RAB11FIP3: variants seen among roughly 807,000 people sequenced by gnomAD.
The protein encoded by RAB11FIP3 is RAB11 family interacting protein 3, also known as rab11 family-interacting protein 3.
Under a neutral mutation model 77.8 loss-of-function variants are expected in RAB11FIP3, and 17 were observed. That is an observed-to-expected ratio of 0.22 (90% CI 0.15 to 0.33). The LOEUF (loss-of-function observed/expected upper bound fraction) is 0.33, where lower values mean the gene tolerates loss of function less well. RAB11FIP3 is among the 10% of genes least tolerant of loss of function. The pLI is 1.00. For missense variants in RAB11FIP3, 1,005 were observed against 1,011.2 expected (o/e 0.99, Z 0.08); for synonymous variants, 437 against 448.2 (o/e 0.98, Z 0.31).
In RAB11FIP3 at chr16:522,007, A is replaced by C. The variant is rs889112910; in HGVS notation, c.*1168A>C. 1.1e-5 allele frequency: 1 copy of C among 90,408 alleles called. No individual in the cohort carries two copies. The highest frequency in any genetic ancestry group is 2.1e-5 in the Non-Finnish European group (1 of 48,140). The allele number at this position is 90,408 out of a possible 1,614,324, so 5.6% of individuals were successfully genotyped here. ...CGGGTGGGCCCAGACCCCATCACCAAGACTGGCCACCCGCTGCGTGTGTGT... is the reference window on the plus strand; with the variant it reads ...CGGGTGGGCCCAGACCCCATCACCACGACTGGCCACCCGCTGCGTGTGTGT... On this transcript the variant is annotated 3_prime_UTR_variant, in exon 14 of 14. Coordinates refer to ENST00000262305, the MANE Select transcript of RAB11FIP3 (RefSeq NM_014700.4).
intron 5 of RAB11FIP3, among the ~76,000 whole-genome samples, chr16:493,934 C>T (rs1167761454): frequency 6.4e-5 from 9 of 141,546 alleles, no homozygotes; most frequent in Non-Finnish European, 7.6e-5. Flanking sequence ...GACAGAGTCT[C>T]GATCTGTCAC....
intron 3 of RAB11FIP3, among the ~76,000 whole-genome samples, chr16:478,068 C>T (rs543776120): frequency 3.9e-5 from 6 of 152,320 alleles, no homozygotes; most frequent in African/African-American, 9.6e-5. Context: ...TGCGGCCTCC[C>T]GCAAGTGCGC....
At position 426,654 on chromosome 16, in the gene RAB11FIP3, G is replaced by A; in HGVS notation, c.648G>A (p.Gly216=). The stretch of plus-strand genomic sequence containing the variant: ...GAGCCGTGTTCGATGCCCTGGACGG[G>A]GATGGGGACGGTTTCGTCCGCATCG... ...RLRAVFDALD[G]DGDGFVRIED... is the part of the protein sequence containing the mutation. Residue 216 remains glycine (G), a synonymous_variant, in exon 1 of 14, where the codon GGG becomes GGA. Coordinates refer to ENST00000262305, the MANE Select transcript of RAB11FIP3 (RefSeq NM_014700.4). This position sits in a 1 kb window ranked among gnomAD's most constrained non-coding sequence, Gnocchi z 5.0. The A allele has an allele frequency of 6.4e-7, 1 of 1,573,614 alleles. No individual in the cohort carries two copies. Among genetic ancestry groups the A allele is most frequent in the Non-Finnish European group, 8.6e-7 (1 of 1,161,238 alleles).
chr16:426,451 A>T lies in RAB11FIP3; in HGVS notation c.445A>T (p.Ser149Cys), dbSNP rs775453202. 3.2e-6 allele frequency: 5 copies of T among 1,584,684 alleles called. No individual in the cohort carries two copies. In the South Asian group the frequency reaches 5.7e-5, roughly 18 times the overall value. ...ESAPFRLQGS[S>C]SSHRARGEVD... ...CGCGCCTTTCCGCTTGCAGGGGTCC[A>T]GCAGCAGCCACCGAGCGCGGGGCGA... The change falls in exon 1 of 14, where the codon AGC becomes TGC. Residue 149 changes from serine to cysteine, a missense_variant. Ser to Cys is a moderately radical substitution (Grantham distance 112). Around this residue, in one of 4 missense-constraint regions of RAB11FIP3, gnomAD observed 466 missense variants for 408.3 expected, o/e 1.14. Transcript: ENST00000262305. The surrounding 1 kb of genome is among the most constrained non-coding windows in gnomAD (Gnocchi z 5.0).
chr16:492,362 T>TCCAGAGCCCC (rs2030354690), intron 5 of RAB11FIP3, among the ~76,000 whole-genome samples: 1 of 63,628 alleles, frequency 1.6e-5, no homozygotes, highest in African/African-American at 7.9e-5. Flanking sequence ...GAAGAGGGTC[T>TCCAGAGCCCC]TCCCGGGAGA....
Position 512,607 on chromosome 16 carries a change from G to A in RAB11FIP3, c.1640+1807G>A, listed in dbSNP as rs954082236. Among the ~76,000 whole-genome samples the A allele has an allele frequency of 4.0e-5, 6 of 148,374 alleles. No homozygotes were observed. In the East Asian group the frequency reaches 5.9e-4, roughly 15 times the overall value. On this transcript the variant is annotated intron_variant, in intron 9 of 13. Transcript: ENST00000262305. The stretch of plus-strand genomic sequence containing the variant: ...CGCCCAGGCTAGAGTGCAGTGGGGC[G>A]ATCTTGGCTCACCACAACCTCTGTC...
intron 9 of RAB11FIP3, among the ~76,000 whole-genome samples, chr16:515,393 C>T (rs1394577129): frequency 6.6e-6 from 1 of 152,176 alleles, no homozygotes; most frequent in Non-Finnish European, 1.5e-5. Context: ...AGGTGCAGCC[C>T]AGAAAGCACA....
intron 5 of RAB11FIP3, chr16:491,164 C>T (rs1358556851): frequency 7.7e-7 from 1 of 1,303,930 alleles, no homozygotes; most frequent in Non-Finnish European, 1.0e-6. Flanking sequence ...AGCTGCACAG[C>T]ATCCTCACTG....
At position 505,593 on chromosome 16, in the gene RAB11FIP3, C is replaced by T. The variant is rs2031829401; in HGVS notation, c.1465C>T (p.Arg489Cys). Residue 489 changes from arginine (R) to cysteine (C), a missense_variant, in exon 8 of 14, where the codon CGC becomes TGC. Coordinates refer to ENST00000262305, the MANE Select transcript of RAB11FIP3 (RefSeq NM_014700.4). This position sits in a 1 kb window ranked among gnomAD's most constrained non-coding sequence, Gnocchi z 4.0. ...DTAATGEQHSRLRQENLQLVH... is the reference protein window; with the variant it reads ...DTAATGEQHSCLRQENLQLVH... ...GGCAGCCACCGGTGAGCAACACAGC[C>T]GCCTGAGGCAGGAGAACCTGCAGCT... The T allele has an allele frequency of 5.0e-6, 8 of 1,604,510 alleles. No individual in the cohort carries two copies. The highest frequency in any genetic ancestry group is 1.3e-5 in the African/African-American group (1 of 74,926).
chr16:480,560 C>T (rs937287944), intron 3 of RAB11FIP3, among the ~76,000 whole-genome samples: 4 of 151,948 alleles, frequency 2.6e-5, no homozygotes, highest in South Asian at 4.2e-4. Context: ...AGTGCAGTGG[C>T]GTGATCTCAA....
At chr16:484,059 T>G (rs1450877042) in intron 4 of RAB11FIP3, among the ~76,000 whole-genome samples, 1 of 152,146 alleles carries the variant, frequency 6.6e-6, no homozygotes, top group African/African-American at 2.4e-5. Context: ...CACTCTTATC[T>G]GGCTCAGAAT....
rs147984086 is a variant in RAB11FIP3, at chr16:449,292, G to A, written c.715-12112G>A. Among the ~76,000 whole-genome samples the A allele has an allele frequency of 4.7e-3, 708 of 152,220 alleles. 2 individuals carry two copies. The highest frequency in any genetic ancestry group is 0.016 in the African/African-American group (668 of 41,528). On this transcript the variant is annotated intron_variant, in intron 1 of 13. Transcript: ENST00000262305. ...CTGTCACCAGGCGGGACAGAGTGTC[G>A]GGCTCATTCAGGTGCTCAGCAGAAT...
At chr16:499,883 C>A (rs1329161323) in intron 6 of RAB11FIP3, among the ~76,000 whole-genome samples, 3 of 151,580 alleles carry the variant, frequency 2.0e-5, no homozygotes, top group Non-Finnish European at 4.4e-5. Flanking sequence ...GTGTGTCTAT[C>A]CACATGTAAA....
chr16:510,139 T>A (rs1452642070), intron 8 of RAB11FIP3, among the ~76,000 whole-genome samples: 1 of 139,330 alleles, frequency 7.2e-6, no homozygotes, highest in Non-Finnish European at 1.5e-5. Flanking sequence ...GCGCACTCGT[T>A]GTGTGTAGTG....
At chr16:473,920 C>T (rs1048603027) in intron 3 of RAB11FIP3, among the ~76,000 whole-genome samples, 11 of 152,116 alleles carry the variant, frequency 7.2e-5, no homozygotes, top group African/African-American at 2.7e-4. Flanking sequence ...TCTTCCAGAA[C>T]GCCACGGAGC....
intron 2 of RAB11FIP3, among the ~76,000 whole-genome samples, chr16:462,504 G>C (rs888737400): frequency 9.9e-5 from 15 of 152,122 alleles, no homozygotes; most frequent in African/African-American, 3.6e-4. Context: ...CAAGGCTGAG[G>C]TGCTGGGATT....
chr16:445,188 T>G (rs1253405091), intron 1 of RAB11FIP3, among the ~76,000 whole-genome samples: 2 of 147,762 alleles, frequency 1.4e-5, no homozygotes, highest in African/African-American at 5.0e-5. Flanking sequence ...ATCCAAGCAC[T>G]TTAGGAGGCC....
chr16:428,778 C>T (rs1418991951), intron 1 of RAB11FIP3, among the ~76,000 whole-genome samples: 1 of 152,132 alleles, frequency 6.6e-6, no homozygotes, highest in African/African-American at 2.4e-5. Flanking sequence ...TGAGAAACAT[C>T]TTTTGTCATA....
At chr16:465,696 GTCTCCCAGGTTCAAGCGAT>G (rs1020541372) in intron 2 of RAB11FIP3, among the ~76,000 whole-genome samples, 1 of 150,516 alleles carries the variant, frequency 6.6e-6, no homozygotes, top group African/African-American at 2.5e-5. Context: ...TGCAACTTGC[GTCTCCCAGGTTCAAGCGAT>G]TCTCCTGCCT....
Sources: gnomAD v4.1 joint callset for allele counts (sites outside exome capture counted in the v4.1 genomes callset) on GRCh38, gnomAD v4.1.1 for gene constraint, gnomAD v4.1.1 regional missense constraint, Gnocchi (gnomAD v3.1) non-coding constraint, MANE v1.5 for transcripts, NCBI Gene and HGNC (gene_info 2026-07-23, HGNC 2026-07-21) for gene names.